MYO9A: variants seen among roughly 807,000 people sequenced by gnomAD.
MYO9A encodes the protein unconventional myosin-IXa.
Under a neutral mutation model 293.3 loss-of-function variants are expected in MYO9A, and 103 were observed. The ratio of observed to expected loss-of-function variants is 0.35; its 90% CI spans 0.30 to 0.41. The LOEUF is 0.41. Ranked by LOEUF, MYO9A falls within the 10% of genes least tolerant of loss-of-function variation. The probability of loss-of-function intolerance (pLI) is 1.00; values close to 1 mark genes in which losing one functional copy is unlikely to be tolerated. For synonymous variants in MYO9A, 1,001 were observed against 1,035.7 expected (o/e 0.97, Z 0.64); for missense variants, 2,685 against 3,033.0 (o/e 0.89, Z 2.69).
At chr15:71,943,224 A>G (rs1345210437) in intron 15 of MYO9A, among the ~76,000 whole-genome samples, 5 of 151,946 alleles carry the variant, frequency 3.3e-5, no homozygotes, top group Non-Finnish European at 7.4e-5. Context: ...ATGCTACCTT[A>G]AAAGATAAAA....
At chr15:72,042,749 A>G (rs1270065741) in intron 2 of MYO9A, among the ~76,000 whole-genome samples, 1 of 151,950 alleles carries the variant, frequency 6.6e-6, no homozygotes, top group African/African-American at 2.4e-5. Flanking sequence ...GAAAAATCCA[A>G]TGGAATCTAT....
intron 1 of MYO9A, among the ~76,000 whole-genome samples, chr15:72,048,272 C>G (rs1357071379): frequency 6.6e-6 from 1 of 151,534 alleles, no homozygotes; most frequent in Admixed American, 6.6e-5. Context: ...GGTGGCACGT[C>G]CCTGTAATCC....
Position 71,852,265 on chromosome 15 carries a change from T to C in MYO9A, c.6347-5A>G. 6.2e-7 allele frequency: 1 copy of C among 1,601,188 alleles called. No homozygotes were observed. The highest frequency in any genetic ancestry group is 8.5e-7 in the Non-Finnish European group (1 of 1,170,780). On this transcript the variant is annotated splice_region_variant and splice_polypyrimidine_tract_variant and intron_variant, in intron 35 of 41. Transcript: ENST00000356056. ...CTAGATTTACACTCTCAGCATCTAT[T>C]TAGAGACAAGAGTTAGATTAACAGA...
chr15:71,886,712 G>C (rs2057031224), intron 27 of MYO9A, among the ~76,000 whole-genome samples: 1 of 152,044 alleles, frequency 6.6e-6, no homozygotes, highest in South Asian at 2.1e-4. Flanking sequence ...TTTTATTGCA[G>C]TTGTTTTCAC....
chr15:71,952,809 T>C (rs2059082716), intron 14 of MYO9A, among the ~76,000 whole-genome samples: 1 of 152,232 alleles, frequency 6.6e-6, no homozygotes, highest in African/African-American at 2.4e-5. Context: ...CATTTTACTG[T>C]ATAATTAGGA....
rs2054455839 is a variant in MYO9A at position 71,825,731 on chromosome 15, G to T, written c.*849C>A. 6.6e-6 allele frequency: 1 copy of T among 152,158 alleles called. No individual in the cohort carries two copies. The highest frequency in any genetic ancestry group is 1.5e-5 in the Non-Finnish European group (1 of 68,024). 9.4% of individuals were successfully genotyped at this position (152,158 alleles called of 1,614,324 possible). A position where few individuals can be genotyped will look rare whatever the true frequency, so the allele number is the denominator to read the frequency against. On this transcript the variant is annotated 3_prime_UTR_variant, in exon 42 of 42. Coordinates refer to ENST00000356056, the MANE Select transcript of MYO9A (RefSeq NM_006901.4). ...ATGGCTTAGGATGAAACCTTCATAAGTTTAGGGATCACCATGTCTCTGGGA... is the reference window on the plus strand; with the variant it reads ...ATGGCTTAGGATGAAACCTTCATAATTTTAGGGATCACCATGTCTCTGGGA...
At chr15:72,105,827 T>C (rs1322180948) in intron 1 of MYO9A, among the ~76,000 whole-genome samples, 1 of 152,132 alleles carries the variant, frequency 6.6e-6, no homozygotes, top group African/African-American at 2.4e-5. Flanking sequence ...TATTTTTTAA[T>C]CAATTTATTC....
At chr15:71,981,642 TC>T (rs2076275579) in intron 11 of MYO9A, among the ~76,000 whole-genome samples, 1 of 65,570 alleles carries the variant, frequency 1.5e-5, no homozygotes, top group African/African-American at 5.7e-5. Context: ...CTCTGTCTTG[TC>T]TCTCTCTCTC....
intron 15 of MYO9A, among the ~76,000 whole-genome samples, chr15:71,941,287 T>C (rs2058766883): frequency 6.6e-6 from 1 of 151,958 alleles, no homozygotes; most frequent in Non-Finnish European, 1.5e-5. Flanking sequence ...ATACAAAAAT[T>C]AGCCCGGCAT....
At position 71,826,778 on chromosome 15, in the gene MYO9A, G is replaced by GTCT; in HGVS notation, c.7446_7448dup (p.Glu2482dup). ...TTCCTCTGCTGATGAACTGAGGCTTGTCTTCCAGGAATTTGGTCTGGCCCA... is the reference window on the plus strand; with the variant it reads ...TTCCTCTGCTGATGAACTGAGGCTTGTCTTCTTCCAGGAATTTGGTCTGGCCCA... On this transcript the variant is annotated inframe_insertion, in exon 42 of 42. Coordinates refer to ENST00000356056, the MANE Select transcript of MYO9A (RefSeq NM_006901.4). 1 of 1,614,094 alleles carries GTCT rather than the reference G, an allele frequency of 6.2e-7. No homozygotes were observed. Among genetic ancestry groups the GTCT allele is most frequent in the Non-Finnish European group, 8.5e-7 (1 of 1,180,006 alleles).
chr15:72,024,281 A>G (rs754041718), intron 4 of MYO9A, among the ~76,000 whole-genome samples: 9 of 152,214 alleles, frequency 5.9e-5, no homozygotes, highest in Non-Finnish European at 1.2e-4. Context: ...GTATAAATTA[A>G]TTAACTCATT....
chr15:72,069,046 A>G (rs1596502403), intron 1 of MYO9A, among the ~76,000 whole-genome samples: 1 of 152,220 alleles, frequency 6.6e-6, no homozygotes, highest in East Asian at 1.9e-4. Context: ...GTCCAGCCCT[A>G]GAATCTGGGA....
At chr15:71,886,336 G>T (rs140568849) in intron 27 of MYO9A, among the ~76,000 whole-genome samples, 1 of 152,110 alleles carries the variant, frequency 6.6e-6, no homozygotes, top group East Asian at 1.9e-4. Context: ...TATATTCAGG[G>T]TTTTCCCTAA....
chr15:72,047,958 A>G (rs2078440310), intron 1 of MYO9A, among the ~76,000 whole-genome samples: 1 of 151,448 alleles, frequency 6.6e-6, no homozygotes, highest in African/African-American at 2.4e-5. Flanking sequence ...TTTAGTAGAG[A>G]TGGGGTTTCA....
chr15:72,083,697 A>G (rs1327194531), intron 1 of MYO9A, among the ~76,000 whole-genome samples: 2 of 152,150 alleles, frequency 1.3e-5, no homozygotes, highest in Non-Finnish European at 2.9e-5. Context: ...AGATTCTGGT[A>G]TATTTTATCT....
chr15:72,085,013 ATAT>A (rs1567023565), intron 1 of MYO9A, among the ~76,000 whole-genome samples: 1 of 152,048 alleles, frequency 6.6e-6, no homozygotes, highest in Non-Finnish European at 1.5e-5. Flanking sequence ...TCTTTTATCC[ATAT>A]TCCTGCCTGA....
intron 1 of MYO9A, among the ~76,000 whole-genome samples, chr15:72,108,198 AAAATGGAGACAT>A (rs2080643920): frequency 1.3e-5 from 2 of 152,230 alleles, no homozygotes; most frequent in Non-Finnish European, 2.9e-5. Flanking sequence ...ATTTACTTTT[AAAATGGAGACAT>A]AAGCAAACAC....
At chr15:71,966,157 G>A (rs1165385150) in intron 13 of MYO9A, among the ~76,000 whole-genome samples, 7 of 152,012 alleles carry the variant, frequency 4.6e-5, no homozygotes, top group African/African-American at 1.2e-4. Flanking sequence ...GATTACAGGC[G>A]TGAGCCACCA....
rs191258191 is a variant in MYO9A at position 72,087,065 on chromosome 15, C to A, written c.-72+30615G>T. The stretch of plus-strand genomic sequence containing the variant: ...ACAGGCATGAGCCACCGCCCCGGCC[C>A]ACAGGAGCTATTCTACTGCAGCTCT... On this transcript the variant is annotated intron_variant, in intron 1 of 41. Transcript: ENST00000356056. Among the ~76,000 whole-genome samples, 25 of 152,270 alleles carry A rather than the reference C, an allele frequency of 1.6e-4. No individual in the cohort carries two copies. In the East Asian group the frequency reaches 4.3e-3, roughly 26 times the overall value.
Sources: gnomAD v4.1 joint callset for allele counts (sites outside exome capture counted in the v4.1 genomes callset) on GRCh38, gnomAD v4.1.1 for gene constraint, MANE v1.5 for transcripts, NCBI Gene and HGNC (gene_info 2026-07-23, HGNC 2026-07-21) for gene names.